MPDZ: variants seen among roughly 807,000 people sequenced by gnomAD.
The protein encoded by MPDZ is multiple PDZ domain protein.
A neutral mutation model predicts 239.1 loss-of-function variants in MPDZ; 234 were observed. The ratio of observed to expected loss-of-function variants is 0.98; its 90% confidence interval spans 0.88 to 1.09. MPDZ has a LOEUF of 1.09. Ranked by LOEUF, MPDZ falls within the 50% of genes least tolerant of loss-of-function variation. The pLI is 0.00. For missense variants in MPDZ, 3,175 were observed against 2,510.0 expected (o/e 1.26, Z -5.66); for synonymous variants, 1,048 against 881.3 (o/e 1.19, Z -3.35).
At chr9:13,157,950 A>C (rs1563924743) in intron 24 of MPDZ, 68 bp downstream of exon 24, 1 of 1,376,300 alleles carries the variant, frequency 7.3e-7, no homozygotes, top group East Asian at 2.4e-5. Flanking sequence ...CAGTACTTGA[A>C]ACCACACCTG....
intron 19 of MPDZ, among the ~76,000 whole-genome samples, chr9:13,182,217 TA>T (rs1442119237): frequency 2.6e-5 from 4 of 151,940 alleles, no homozygotes; most frequent in African/African-American, 4.8e-5. Flanking sequence ...TTTCGTATAT[TA>T]AAAAAAATTG....
At chr9:13,200,778 TTGATA>T (rs1279964999) in intron 12 of MPDZ, among the ~76,000 whole-genome samples, 2 of 152,130 alleles carry the variant, frequency 1.3e-5, no homozygotes, top group Non-Finnish European at 2.9e-5. Context: ...GAAAAGATAC[TTGATA>T]TGATTTTGAT....
At chr9:13,108,709 T>C (rs1941905716) in intron 46 of MPDZ, among the ~76,000 whole-genome samples, 1 of 152,140 alleles carries the variant, frequency 6.6e-6, no homozygotes, top group Non-Finnish European at 1.5e-5. Context: ...ATGTATATTG[T>C]TGAGTTTCCA....
At position 13,216,722 on chromosome 9, in the gene MPDZ, A is replaced by C. The variant is rs1587869437; in HGVS notation, c.1290+52T>G. On this transcript the variant is annotated intron_variant, in intron 10 of 46. Transcript: ENST00000319217. The stretch of plus-strand genomic sequence containing the variant: ...TCAAAACTAAGTAAACTAGGAGAAT[A>C]CAATTCTCAACCATGAAAATTAACA... 8.2e-6 allele frequency: 11 copies of C among 1,336,828 alleles called. No individual in the cohort carries two copies. The East Asian group carries it at 2.6e-4, about 31-fold the overall frequency. 82.8% of individuals were successfully genotyped at this position (1,336,828 alleles called of 1,614,324 possible). A position where few individuals can be genotyped will look rare whatever the true frequency, so the allele number is the denominator to read the frequency against.
In MPDZ at chr9:13,122,111, G is replaced by T; in HGVS notation, c.5013C>A (p.Leu1671=). The change falls in exon 37 of 47, where the codon CTC becomes CTA. Residue 1671 remains leucine, a synonymous_variant. Coordinates refer to ENST00000319217, the MANE Select transcript of MPDZ (RefSeq NM_001378778.1). The stretch of plus-strand genomic sequence containing the variant: ...CCTCTAAGATCTGATCTCCAGCCCA[G>T]AGTCTTCCATCTTTACATGCTGCTC... ...EEGAACKDGR[L]WAGDQILEVN... The T allele has an allele frequency of 1.9e-6, 3 of 1,614,002 alleles. No individual in the cohort carries two copies. Among genetic ancestry groups the T allele is most frequent in the Non-Finnish European group, 2.5e-6 (3 of 1,179,934 alleles).
chr9:13,117,032 T>C (rs186705483), intron 39 of MPDZ, among the ~76,000 whole-genome samples: 7 of 152,204 alleles, frequency 4.6e-5, no homozygotes, highest in Admixed American at 4.6e-4. Flanking sequence ...ATATACTATG[T>C]TTTTTCCTAT....
chr9:13,279,368 G>A (rs1303466269), intron 1 of MPDZ, 32 bp downstream of exon 1: 2 of 143,562 alleles, frequency 1.4e-5, no homozygotes, highest in Non-Finnish European at 3.1e-5. Context: ...GGCGCGCCTC[G>A]GCCTCTGGGC....
At chr9:13,116,196 G>C (rs551647841) in intron 39 of MPDZ, among the ~76,000 whole-genome samples, 1 of 152,036 alleles carries the variant, frequency 6.6e-6, no homozygotes, top group Non-Finnish European at 1.5e-5. Flanking sequence ...AAGAAATGCC[G>C]CACAGTCTAA....
rs1941415902 is a variant in MPDZ at position 13,106,019 on chromosome 9, C to G, written c.*946G>C. On this transcript the variant is annotated 3_prime_UTR_variant, in exon 47 of 47. Transcript: ENST00000319217. ...TTTCTATCAATTTACTAATGGCATACAACCAAAATAATTAGTAACACATTG... is the reference window on the plus strand; with the variant it reads ...TTTCTATCAATTTACTAATGGCATAGAACCAAAATAATTAGTAACACATTG... 1 of 152,134 alleles carries G rather than the reference C, an allele frequency of 6.6e-6. No individual in the cohort carries two copies. Among genetic ancestry groups the G allele is most frequent in the African/African-American group, 2.4e-5 (1 of 41,456 alleles). The allele number at this position is 152,134 out of a possible 1,614,324, so 9.4% of individuals were successfully genotyped here. A position where few individuals can be genotyped will look rare whatever the true frequency, so the allele number is the denominator to read the frequency against.
At chr9:13,196,773 AAG>A (rs1252553340) in intron 12 of MPDZ, among the ~76,000 whole-genome samples, 2 of 152,076 alleles carry the variant, frequency 1.3e-5, no homozygotes, top group Admixed American at 6.6e-5. Context: ...AATTTACAAA[AAG>A]AGAAATTTTT....
At chr9:13,236,481 A>T (rs902512865) in intron 3 of MPDZ, among the ~76,000 whole-genome samples, 3 of 150,026 alleles carry the variant, frequency 2.0e-5, no homozygotes, top group Non-Finnish European at 4.4e-5. Flanking sequence ...GGGTTTCTCC[A>T]TGTTGGTCAG....
intron 35 of MPDZ, among the ~76,000 whole-genome samples, chr9:13,123,771 C>T (rs1944719863): frequency 6.6e-6 from 1 of 152,174 alleles, no homozygotes; most frequent in Admixed American, 6.5e-5. Flanking sequence ...AATTTTGGTT[C>T]TGATGCCTGC....
At position 13,136,162 on chromosome 9, in the gene MPDZ, T is replaced by C; in HGVS notation, c.4313A>G (p.Gln1438Arg). ...TGCATTTCCAGGACATACGGCCATCTGATTCACTGCATCTTTATTTCTAAA... is the reference window on the plus strand; with the variant it reads ...TGCATTTCCAGGACATACGGCCATCCGATTCACTGCATCTTTATTTCTAAA... ...IFIRNKDAVN[Q>R]MAVCPGNAVE... The change falls in exon 31 of 47, where the codon CAG (glutamine) becomes CGG (arginine). Residue 1438 changes from glutamine (Q) to arginine (R), a missense_variant. Physicochemically the swap from Gln to Arg is conservative, Grantham distance 43. Coordinates refer to ENST00000319217, the MANE Select transcript of MPDZ (RefSeq NM_001378778.1). 1 of 1,612,390 alleles carries C rather than the reference T, an allele frequency of 6.2e-7. No individual in the cohort carries two copies. Among genetic ancestry groups the C allele is most frequent in the South Asian group, 1.1e-5 (1 of 90,862 alleles).
At chr9:13,124,242 G>A (rs996939823) in intron 35 of MPDZ, among the ~76,000 whole-genome samples, 1 of 152,046 alleles carries the variant, frequency 6.6e-6, no homozygotes, top group Non-Finnish European at 1.5e-5. Flanking sequence ...ACTATTTAGG[G>A]ATCAACATAA....
intron 40 of MPDZ, 40 bp from the exon 41 acceptor site, chr9:13,114,061 T>C (rs1446123717): frequency 1.4e-6 from 2 of 1,437,254 alleles, no homozygotes; most frequent in Non-Finnish European, 1.9e-6. Context: ...GTTTTGCAAG[T>C]AACATACTCC....
chr9:13,150,538 G>C lies in MPDZ; in HGVS notation c.3603C>G (p.Thr1201=), dbSNP rs1482944518. Residue 1201 remains threonine, a synonymous_variant, in exon 25 of 47, where the codon ACC becomes ACG. Transcript: ENST00000319217. The part of the protein sequence containing the change: ...LEDSPAGKNG[T]LKPGDRIVEV... ...CTACGATTCTATCTCCAGGTTTCAA[G>C]GTTCCATTTTTGCCAGCTGGACTAT... 5.1e-6 allele frequency: 8 copies of C among 1,574,342 alleles called. No individual in the cohort carries two copies. Among genetic ancestry groups the C allele is most frequent in the Middle Eastern group, 1.7e-4 (1 of 5,934 alleles).
chr9:13,214,327 C>G (rs575036197), intron 10 of MPDZ, among the ~76,000 whole-genome samples: 1 of 151,928 alleles, frequency 6.6e-6, no homozygotes, highest in Non-Finnish European at 1.5e-5. Flanking sequence ...CACAAAGAAC[C>G]ACATCTTGTA....
In MPDZ at chr9:13,168,483, C is replaced by A. The variant is rs773586548; in HGVS notation, c.3137G>T (p.Gly1046Val). The change falls in exon 22 of 47, where the codon GGC becomes GTC. Residue 1046 changes from glycine to valine, a missense_variant. Gly to Val is a moderately radical substitution (Grantham distance 109). Coordinates refer to ENST00000319217, the MANE Select transcript of MPDZ (RefSeq NM_001378778.1). ...GATGCAGTCCCCAATGGCAATCCGG[C>A]CATCTCGACTAATGGCACCTCCATG... is the stretch of plus-strand genomic sequence containing the variant. ...IIHGGAISRD[G>V]RIAIGDCILS... 1.2e-6 allele frequency: 2 copies of A among 1,613,354 alleles called. No homozygotes were observed. The highest frequency in any genetic ancestry group is 8.5e-7 in the Non-Finnish European group (1 of 1,179,598).
intron 43 of MPDZ, among the ~76,000 whole-genome samples, chr9:13,111,114 G>A (rs1004867350): frequency 1.2e-4 from 18 of 152,186 alleles, no homozygotes; most frequent in African/African-American, 3.1e-4. Context: ...ACTCTAAGTC[G>A]GAGGTTGGCA....
Sources: gnomAD v4.1 joint callset for allele counts (sites outside exome capture counted in the v4.1 genomes callset) on GRCh38, gnomAD v4.1.1 for gene constraint, MANE v1.5 for transcripts, NCBI Gene and HGNC (gene_info 2026-07-23, HGNC 2026-07-21) for gene names.